SRPK2: variants seen among roughly 807,000 people sequenced by gnomAD.
SRPK2 encodes SRSF protein kinase 2, also known as SFRS protein kinase 2.
Under a neutral mutation model 90.8 loss-of-function variants are expected in SRPK2, and 21 were observed. The observed-to-expected ratio is 0.23, with a 90% confidence interval of 0.16 to 0.33. SRPK2 has a LOEUF of 0.33. SRPK2 is among the 10% of genes least tolerant of loss of function. The probability of loss-of-function intolerance (pLI) is 1.00; values close to 1 mark genes in which losing one functional copy is unlikely to be tolerated. For synonymous variants in SRPK2, 288 were observed against 311.1 expected, an observed-to-expected ratio of 0.93 and a Z score of 0.78; for missense variants, 620 against 869.0, an observed-to-expected ratio of 0.71 and a Z score of 3.60.
chr7:105,167,903 G>T, intron 5 of SRPK2, 105 bp downstream of exon 5: 1 of 955,724 alleles, frequency 1.0e-6, no homozygotes. Flanking sequence ...GAGCCACCGT[G>T]CCCAGCCAAA....
rs181552149 is a variant in SRPK2 at position 105,320,591 on chromosome 7, T to C, written c.71+68057A>G. On this transcript the variant is annotated intron_variant, in intron 2 of 15. Transcript: ENST00000393651. ...ATAAAAATAAAAATAAAATCAGTAATAATTTAGCCATTTAGTTTCAAAGTT... is the reference window on the plus strand; with the variant it reads ...ATAAAAATAAAAATAAAATCAGTAACAATTTAGCCATTTAGTTTCAAAGTT... 2.0e-3 allele frequency among the ~76,000 whole-genome samples: 301 copies of C among 152,240 alleles called. 4 individuals are homozygous for C. Among genetic ancestry groups the C allele is most frequent in the African/African-American group, 6.9e-3 (286 of 41,534 alleles).
chr7:105,145,768 G>C (rs1337829959), intron 8 of SRPK2, among the ~76,000 whole-genome samples: 1 of 152,102 alleles, frequency 6.6e-6, no homozygotes, highest in African/African-American at 2.4e-5. Context: ...AATAGTCTAG[G>C]AATCACATGA....
At chr7:105,238,338 T>A (rs144742892) in intron 2 of SRPK2, among the ~76,000 whole-genome samples, 1 of 152,206 alleles carries the variant, frequency 6.6e-6, no homozygotes, top group African/African-American at 2.4e-5. Context: ...CATAAAGCAC[T>A]GCTTCCCACT....
At chr7:105,341,097 GGCTCAT>G (rs1815720732) in intron 2 of SRPK2, among the ~76,000 whole-genome samples, 1 of 152,202 alleles carries the variant, frequency 6.6e-6, no homozygotes, top group Admixed American at 6.5e-5. Flanking sequence ...CCGGTGCAGT[GGCTCAT>G]GCCTGTAATC....
At chr7:105,211,020 T>A (rs1481502035) in intron 2 of SRPK2, among the ~76,000 whole-genome samples, 1 of 152,148 alleles carries the variant, frequency 6.6e-6, no homozygotes, top group East Asian at 1.9e-4. Context: ...GAGCTGCAGA[T>A]CTGGCCAACA....
At chr7:105,225,147 G>A (rs943066638) in intron 2 of SRPK2, among the ~76,000 whole-genome samples, 7 of 151,966 alleles carry the variant, frequency 4.6e-5, no homozygotes, top group African/African-American at 1.7e-4. Flanking sequence ...GTCTAGCCTA[G>A]GCTTTTTTTA....
chr7:105,172,301 T>C (rs1228743114), intron 3 of SRPK2, among the ~76,000 whole-genome samples: 1 of 152,214 alleles, frequency 6.6e-6, no homozygotes, highest in Non-Finnish European at 1.5e-5. Context: ...TTCAAAACTA[T>C]GTTCCATGAA....
At chr7:105,294,219 A>G (rs1253472595) in intron 2 of SRPK2, among the ~76,000 whole-genome samples, 1 of 152,226 alleles carries the variant, frequency 6.6e-6, no homozygotes, top group Non-Finnish European at 1.5e-5. Flanking sequence ...AGTTTGAACA[A>G]AAGTTCTTTT....
At chr7:105,191,094 G>A (rs1182734297) in intron 3 of SRPK2, among the ~76,000 whole-genome samples, 6 of 152,132 alleles carry the variant, frequency 3.9e-5, no homozygotes, top group Non-Finnish European at 5.9e-5. Context: ...CCCAGAAAAA[G>A]TAAAACAGAA....
intron 2 of SRPK2, among the ~76,000 whole-genome samples, chr7:105,232,016 C>T (rs1418302283): frequency 2.6e-5 from 4 of 152,094 alleles, no homozygotes; most frequent in African/African-American, 9.7e-5. Flanking sequence ...TGCCAACACA[C>T]CCAGGAAATT....
rs139894752 is a variant in SRPK2, at chr7:105,379,181, C to T, written c.71+9467G>A. On this transcript the variant is annotated intron_variant, in intron 2 of 15. Coordinates refer to ENST00000393651, the MANE Select transcript of SRPK2 (RefSeq NM_182692.3). ...AATATATATATATATATAAAGTCAG[C>T]CCTCTGAAACTGTGGACTCTGCATC... Among the ~76,000 whole-genome samples the T allele has an allele frequency of 2.8e-3, 426 of 151,666 alleles. 10 individuals are homozygous for T. In the East Asian group the frequency reaches 0.055, roughly 19 times the overall value.
At chr7:105,158,585 G>A (rs1806917345) in intron 7 of SRPK2, among the ~76,000 whole-genome samples, 2 of 152,138 alleles carry the variant, frequency 1.3e-5, no homozygotes, top group South Asian at 2.1e-4. Context: ...AGCCTAAAGG[G>A]TGGTGGTGTG....
At chr7:105,235,622 C>T (rs1439408052) in intron 2 of SRPK2, among the ~76,000 whole-genome samples, 1 of 152,156 alleles carries the variant, frequency 6.6e-6, no homozygotes, top group African/African-American at 2.4e-5. Flanking sequence ...CTCTATATCA[C>T]AATCACTTAT....
intron 7 of SRPK2, 141 bp from the exon 8 acceptor site, chr7:105,146,799 C>G: frequency 3.7e-6 from 3 of 808,858 alleles, no homozygotes; most frequent in Non-Finnish European, 5.8e-6. Flanking sequence ...AATCTCCCTC[C>G]CATGCCTACC....
intron 2 of SRPK2, among the ~76,000 whole-genome samples, chr7:105,314,679 C>T (rs915933099): frequency 5.3e-5 from 8 of 152,118 alleles, no homozygotes; most frequent in South Asian, 2.1e-4. Context: ...CCACCATGCC[C>T]GGCCCAAAAC....
At chr7:105,370,052 A>AACAACAAC (rs1402796736) in intron 2 of SRPK2, among the ~76,000 whole-genome samples, 24 of 41,838 alleles carry the variant, frequency 5.7e-4, no homozygotes, top group Admixed American at 2.5e-3. Context: ...ACAACAACAA[A>AACAACAAC]AGTGACCAAA....
chr7:105,358,960 G>C (rs768001639), intron 2 of SRPK2, among the ~76,000 whole-genome samples: 1 of 151,446 alleles, frequency 6.6e-6, no homozygotes, highest in Non-Finnish European at 1.5e-5. Flanking sequence ...AGCAAGAGTG[G>C]AGGTGGAGGT....
intron 2 of SRPK2, among the ~76,000 whole-genome samples, chr7:105,374,471 G>T (rs1820062716): frequency 6.6e-6 from 1 of 152,082 alleles, no homozygotes; most frequent in South Asian, 2.1e-4. Flanking sequence ...TGCATACAAA[G>T]ATATTCACTG....
chr7:105,153,423 T>C (rs1439271733), intron 7 of SRPK2, among the ~76,000 whole-genome samples: 1 of 152,184 alleles, frequency 6.6e-6, no homozygotes, highest in Non-Finnish European at 1.5e-5. Context: ...TTGTGTCAGA[T>C]ACCATCTATT....
Sources: gnomAD v4.1 joint callset for allele counts (sites outside exome capture counted in the v4.1 genomes callset) on GRCh38, gnomAD v4.1.1 for gene constraint, MANE v1.5 for transcripts, NCBI Gene and HGNC (gene_info 2026-07-23, HGNC 2026-07-21) for gene names.